ZBTB11: variants seen among roughly 807,000 people sequenced by gnomAD.
The protein encoded by ZBTB11 is zinc finger and BTB domain-containing protein 11.
Under a neutral mutation model 113.1 loss-of-function variants are expected in ZBTB11, and 68 were observed. The observed-to-expected ratio is 0.60, with a 90% CI of 0.49 to 0.74. The LOEUF (loss-of-function observed/expected upper bound fraction) is 0.74. ZBTB11 is among the 30% of genes least tolerant of loss of function. The pLI, the probability that ZBTB11 is intolerant of heterozygous loss-of-function variation, is 0.00. For missense variants in ZBTB11, 1,104 were observed against 1,279.4 expected (o/e 0.86, Z 2.09); for synonymous variants, 518 against 452.6 (o/e 1.14, Z -1.83).
intron 1 of ZBTB11, among the ~76,000 whole-genome samples, chr3:101,676,277 C>G (rs760500374): frequency 7.6e-6 from 1 of 131,138 alleles, no homozygotes; most frequent in Non-Finnish European, 1.7e-5. Context: ...TCCAGAGGGC[C>G]GGGGCCTACA....
rs1396573094 is a variant in ZBTB11 at position 101,665,312 on chromosome 3, A to C, written c.1275T>G (p.Thr425=). 1 of 1,614,072 alleles carries C rather than the reference A, an allele frequency of 6.2e-7. No individual in the cohort carries two copies. The highest frequency in any genetic ancestry group is 8.5e-7 in the Non-Finnish European group (1 of 1,180,034). The change falls in exon 4 of 11, where the codon ACT becomes ACG. Residue 425 remains threonine, a synonymous_variant. Coordinates refer to ENST00000312938, the MANE Select transcript of ZBTB11 (RefSeq NM_014415.4). ...CTGTGTTATTTTCTCTGTTGTTTGA[A>C]GTTTCTAGTTCTGTCTGGTTGTTTT... ...ITKNNQTELE[T]SNNRENNTVS...
At position 101,654,589 on chromosome 3, in the gene ZBTB11, A is replaced by G. The variant is rs190731352; in HGVS notation, c.2309+115T>C. On this transcript the variant is annotated intron_variant, in intron 8 of 10. Transcript: ENST00000312938. ...AACCCTTAAGCAAGAAAAAAAGGAC[A>G]TTAAAATCAAGAGTAAACTGAAGTT... 366 of 841,320 alleles carry G rather than the reference A, an allele frequency of 4.4e-4. 6 individuals carry two copies. The African/African-American group carries it at 5.9e-3, about 14-fold the overall frequency. The allele number at this position is 841,320 out of a possible 1,614,324, so 52.1% of individuals were successfully genotyped here.
In ZBTB11 at chr3:101,668,141, TA is replaced by T. The variant is rs35687057; in HGVS notation, c.779-2334del. ...AATGTCCTCACTCATATGGGGGAGC[TA>T]AAAAAAAAAAACTTAGATCATACAA... On this transcript the variant is annotated intron_variant, in intron 3 of 10. Transcript: ENST00000312938. 1.2e-3 allele frequency among the ~76,000 whole-genome samples: 171 copies of T among 146,848 alleles called. 3 individuals are homozygous for T. Among genetic ancestry groups the T allele is most frequent in the African/African-American group, 4.1e-3 (162 of 39,674 alleles).
intron 5 of ZBTB11, chr3:101,662,212 A>G (rs1364361193): frequency 6.6e-6 from 1 of 151,762 alleles, no homozygotes; most frequent in Non-Finnish European, 1.5e-5. Context: ...GGGTCTCGCT[A>G]TATTGCCTGG....
intron 5 of ZBTB11, among the ~76,000 whole-genome samples, 187 bp from the exon 6 acceptor site, chr3:101,660,215 A>G (rs917229797): frequency 6.6e-6 from 1 of 152,228 alleles, no homozygotes; most frequent in African/African-American, 2.4e-5. Flanking sequence ...TGCAGAGGCT[A>G]AAGTCTAACA....
At chr3:101,674,738 T>C (rs1937135720) in intron 1 of ZBTB11, among the ~76,000 whole-genome samples, 2 of 150,514 alleles carry the variant, frequency 1.3e-5, no homozygotes, top group South Asian at 2.1e-4. Flanking sequence ...TAAATAAACA[T>C]CGTCTCAGGT....
chr3:101,656,249 C>G lies in ZBTB11; in HGVS notation c.2047-1G>C, dbSNP rs1307963493. On this transcript the variant is annotated splice_acceptor_variant, in intron 6 of 10. Coordinates refer to ENST00000312938, the MANE Select transcript of ZBTB11 (RefSeq NM_014415.4). LOFTEE classifies it high-confidence loss of function. The stretch of plus-strand genomic sequence containing the variant: ...TATAGATAAAAGTCTTTCCACAGAC[C>G]TAAGATAGAACAGGGGTGATTAAGT... The G allele has an allele frequency of 6.5e-7, 1 of 1,547,432 alleles. No individual in the cohort carries two copies. Among genetic ancestry groups the G allele is most frequent in the Non-Finnish European group, 8.7e-7 (1 of 1,148,560 alleles).
intron 3 of ZBTB11, 77 bp downstream of exon 3, chr3:101,671,053 T>C: frequency 3.3e-6 from 4 of 1,218,362 alleles, no homozygotes; most frequent in East Asian, 2.4e-5. Context: ...ATAAAGTCCG[T>C]GTGTGGAAGA....
chr3:101,662,475 T>G (rs959672782), intron 5 of ZBTB11, among the ~76,000 whole-genome samples: 1 of 152,046 alleles, frequency 6.6e-6, no homozygotes, highest in African/African-American at 2.4e-5. Flanking sequence ...AAATACAAAA[T>G]TAGCCGGGTA....
intron 6 of ZBTB11, 143 bp downstream of exon 6, chr3:101,659,640 A>G: frequency 1.0e-6 from 1 of 977,090 alleles, no homozygotes; most frequent in East Asian, 2.5e-5. Context: ...ATCACCTTTG[A>G]TCTAGGCAAT....
intron 7 of ZBTB11, among the ~76,000 whole-genome samples, chr3:101,655,226 G>A (rs958580911): frequency 1.6e-4 from 25 of 152,064 alleles, no homozygotes; most frequent in African/African-American, 5.8e-4. Flanking sequence ...CTTTACCAAG[G>A]GGACATGGAA....
chr3:101,665,681 C>A lies in ZBTB11; in HGVS notation c.906G>T (p.Glu302Asp). 4.3e-6 allele frequency: 7 copies of A among 1,614,180 alleles called. No homozygotes were observed. The highest frequency in any genetic ancestry group is 5.9e-6 in the Non-Finnish European group (7 of 1,180,032). ...ARHLFMSEVL[E>D]ICESVHKLME... ...TTAGCTTATGTACACTTTCACAAAT[C>A]TCTAAGACTTCTGACATGAAAAGAT... The change falls in exon 4 of 11, where the codon GAG (glutamate) becomes GAT (aspartate). Residue 302 changes from glutamate (E) to aspartate (D), a missense_variant. By Grantham distance (45) the Glu-to-Asp change is conservative. This residue lies in a region of ZBTB11 where 86 missense variants were observed against 131.0 expected (regional missense o/e 0.66). Transcript: ENST00000312938.
In ZBTB11 at chr3:101,665,283, G is replaced by T; in HGVS notation, c.1304C>A (p.Ser435Tyr). The T allele has an allele frequency of 1.2e-6, 2 of 1,614,200 alleles. No homozygotes were observed. Among genetic ancestry groups the T allele is most frequent in the Non-Finnish European group, 8.5e-7 (1 of 1,180,032 alleles). The change falls in exon 4 of 11, where the codon TCT becomes TAT. Residue 435 changes from serine (S) to tyrosine (Y), a missense_variant. Physicochemically the swap from Ser to Tyr is moderately radical, Grantham distance 144. Around this residue, in one of 5 missense-constraint regions of ZBTB11, gnomAD observed 535 missense variants for 518.6 expected, o/e 1.03. Coordinates refer to ENST00000312938, the MANE Select transcript of ZBTB11 (RefSeq NM_014415.4). ...TSNNRENNTV[S>Y]NIHPKLSKEN... is the part of the protein sequence containing the mutation. ...TTTTGAAAGTTTAGGGTGTATATTA[G>T]AAACTGTGTTATTTTCTCTGTTGTT...
At chr3:101,652,269 T>C (rs928881608) in intron 10 of ZBTB11, among the ~76,000 whole-genome samples, 6 of 152,222 alleles carry the variant, frequency 3.9e-5, no homozygotes, top group Non-Finnish European at 8.8e-5. Flanking sequence ...AGGCTTCAAA[T>C]AGTTTAGTTC....
At chr3:101,674,359 G>C (rs1279622026) in intron 1 of ZBTB11, among the ~76,000 whole-genome samples, 2 of 151,880 alleles carry the variant, frequency 1.3e-5, no homozygotes, top group African/African-American at 2.4e-5. Context: ...CAATGGGTTC[G>C]AGTTAAATAT....
chr3:101,665,065 G>C lies in ZBTB11; in HGVS notation c.1522C>G (p.Arg508Gly). Residue 508 changes from arginine to glycine, a missense_variant, in exon 4 of 11, where the codon CGA becomes GGA. Arg to Gly is a moderately radical substitution (Grantham distance 125). Transcript: ENST00000312938. The part of the protein sequence containing the change: ...PDDDTYRSRL[R>G]QRSVNEGAYI... Reference sequence around the variant, plus strand: ...GCCCCTTCATTAACAGAACGTTGTCGAAGCCTGCTTCTATAAGTATCATCA... The same window carrying C: ...GCCCCTTCATTAACAGAACGTTGTCCAAGCCTGCTTCTATAAGTATCATCA... 6.2e-7 allele frequency: 1 copy of C among 1,613,928 alleles called. No homozygotes were observed. The highest frequency in any genetic ancestry group is 8.5e-7 in the Non-Finnish European group (1 of 1,179,998).
chr3:101,674,396 A>C (rs1388429443), intron 1 of ZBTB11, among the ~76,000 whole-genome samples: 1 of 152,124 alleles, frequency 6.6e-6, no homozygotes, highest in Non-Finnish European at 1.5e-5. Context: ...CATTTATATG[A>C]GTGTAGATTT....
chr3:101,663,791 G>T (rs1445976399), intron 5 of ZBTB11, among the ~76,000 whole-genome samples: 2 of 152,166 alleles, frequency 1.3e-5, no homozygotes, highest in Non-Finnish European at 2.9e-5. Flanking sequence ...TCAGGAGGCT[G>T]AGGCAGGAGA....
intron 8 of ZBTB11, among the ~76,000 whole-genome samples, chr3:101,653,864 TAAAAGAAAAGC>T (rs1936747821): frequency 1.3e-5 from 2 of 152,056 alleles, no homozygotes; most frequent in African/African-American, 4.8e-5. Flanking sequence ...ACCTAAAAGT[TAAAAGAAAAGC>T]AAAAGAGAGA....
Sources: allele counts gnomAD v4.1 joint callset (sites outside exome capture counted in the v4.1 genomes callset), GRCh38; gene constraint gnomAD v4.1.1; regional missense constraint gnomAD v4.1.1; transcripts MANE v1.5; gene names NCBI Gene and HGNC (gene_info 2026-07-23, HGNC 2026-07-21).